Variants in ZC2HC1A observed in about 807,000 individuals in gnomAD.
The protein encoded by ZC2HC1A is zinc finger C2HC-type containing 1A.
ZC2HC1A carries 28 observed loss-of-function variants against 40.7 expected under a neutral mutation model. The ratio of observed to expected loss-of-function variants is 0.69; its 90% CI spans 0.51 to 0.94. The LOEUF (loss-of-function observed/expected upper bound fraction) is 0.94, where lower values mean the gene tolerates loss of function less well. Among genes scored for constraint, ZC2HC1A ranks in the 40% least tolerant of loss-of-function variants. The pLI, the probability that ZC2HC1A is intolerant of heterozygous loss-of-function variation, is 0.00. For missense variants in ZC2HC1A, 389 were observed against 386.3 expected (o/e 1.01, Z -0.06); for synonymous variants, 129 against 129.2 (o/e 1.00, Z 0.01).
chr8:78,698,606 C>G, intron 7 of ZC2HC1A, 93 bp downstream of exon 7: 1 of 946,404 alleles, frequency 1.1e-6, no homozygotes, highest in Non-Finnish European at 1.5e-6. Context: ...CATTCATCTT[C>G]ATTTCCTAAG....
At chr8:78,698,301 C>T (rs887854325) in intron 6 of ZC2HC1A, 113 bp from the exon 7 acceptor site, 2 of 841,676 alleles carry the variant, frequency 2.4e-6, no homozygotes, top group Non-Finnish European at 3.5e-6. Flanking sequence ...TCAATGAAAA[C>T]TTGATTTATA....
chr8:78,716,223 C>T (rs1274596776), intron 8 of ZC2HC1A, among the ~76,000 whole-genome samples: 3 of 151,176 alleles, frequency 2.0e-5, no homozygotes, highest in Non-Finnish European at 4.4e-5. Context: ...CCCAGGTTCA[C>T]GCCATTCTCC....
At chr8:78,710,050 T>C (rs1354597780) in intron 7 of ZC2HC1A, among the ~76,000 whole-genome samples, 2 of 152,182 alleles carry the variant, frequency 1.3e-5, no homozygotes, top group Middle Eastern at 3.2e-3. Flanking sequence ...ACTTTTCCTA[T>C]GTTAAAGTTT....
At chr8:78,681,578 C>T (rs573515535) in intron 3 of ZC2HC1A, among the ~76,000 whole-genome samples, 16 of 152,104 alleles carry the variant, frequency 1.1e-4, no homozygotes, top group African/African-American at 3.6e-4. Context: ...AAAGTTGTTT[C>T]GTTGTTTTCT....
At chr8:78,712,099 A>G (rs952536954) in intron 7 of ZC2HC1A, 57 of 1,283,442 alleles carry the variant, frequency 4.4e-5, no homozygotes, top group Non-Finnish European at 5.4e-5. Flanking sequence ...GTTATTACCT[A>G]TTTACAAGTA....
intron 3 of ZC2HC1A, among the ~76,000 whole-genome samples, chr8:78,680,548 G>C (rs1034214708): frequency 3.3e-5 from 5 of 152,154 alleles, no homozygotes; most frequent in African/African-American, 1.2e-4. Context: ...TGTAAGTGTA[G>C]TTCTTAATAT....
chr8:78,673,268 G>A (rs965099329), intron 1 of ZC2HC1A, among the ~76,000 whole-genome samples: 1 of 152,150 alleles, frequency 6.6e-6, no homozygotes, highest in African/African-American at 2.4e-5. Flanking sequence ...TGGCTGCATA[G>A]TATTCCATGG....
At chr8:78,689,726 G>A (rs1437409108) in intron 5 of ZC2HC1A, among the ~76,000 whole-genome samples, 3 of 152,008 alleles carry the variant, frequency 2.0e-5, no homozygotes, top group East Asian at 1.9e-4. Context: ...TTTCTCAGAT[G>A]TATATTAAGA....
chr8:78,699,649 G>C lies in ZC2HC1A; in HGVS notation c.704+1136G>C, dbSNP rs143868247. 2.0e-5 allele frequency among the ~76,000 whole-genome samples: 3 copies of C among 152,052 alleles called. No homozygotes were observed. The East Asian group carries it at 5.8e-4, about 29-fold the overall frequency. On this transcript the variant is annotated intron_variant, in intron 7 of 8. Transcript: ENST00000263849. ...TCCACCCTCCAAAAGACTCCAGTAC[G>C]TGTTGTTCCCCTCTATGTGTCCATG...
intron 1 of ZC2HC1A, 22 bp from the exon 2 acceptor site, chr8:78,675,765 A>G (rs374601956): frequency 1.3e-6 from 2 of 1,570,968 alleles, no homozygotes; most frequent in African/African-American, 1.4e-5. Context: ...TAAATTATTT[A>G]TTAAATTCCT....
intron 5 of ZC2HC1A, among the ~76,000 whole-genome samples, chr8:78,692,924 T>C (rs984699533): frequency 2.0e-5 from 3 of 152,072 alleles, no homozygotes; most frequent in African/African-American, 7.2e-5. Flanking sequence ...ATGTTCCCTT[T>C]CCTGTGTCCA....
chr8:78,685,431 G>A (rs1320592842), intron 3 of ZC2HC1A, among the ~76,000 whole-genome samples: 2 of 152,066 alleles, frequency 1.3e-5, no homozygotes, highest in African/African-American at 4.8e-5. Flanking sequence ...AGATCCAGAG[G>A]CCATAAAAGA....
intron 1 of ZC2HC1A, among the ~76,000 whole-genome samples, chr8:78,674,944 C>T (rs938410111): frequency 6.6e-6 from 1 of 151,948 alleles, no homozygotes; most frequent in Admixed American, 6.6e-5. Flanking sequence ...GAACATGTTA[C>T]ATGTTTAAGT....
intron 1 of ZC2HC1A, among the ~76,000 whole-genome samples, chr8:78,672,202 A>G (rs946950330): frequency 6.6e-6 from 1 of 152,110 alleles, no homozygotes; most frequent in African/African-American, 2.4e-5. Context: ...TGATCTGGGT[A>G]GAAGATTCTA....
At chr8:78,670,054 G>A (rs972404456) in intron 1 of ZC2HC1A, among the ~76,000 whole-genome samples, 5 of 146,466 alleles carry the variant, frequency 3.4e-5, no homozygotes, top group East Asian at 4.1e-4. Context: ...CACAACCTCC[G>A]CCTTCTGGGT....
In ZC2HC1A at chr8:78,717,653, T is replaced by A; in HGVS notation, c.*160T>A. 3.0e-6 allele frequency: 2 copies of A among 677,624 alleles called. No individual in the cohort carries two copies. The highest frequency in any genetic ancestry group is 4.7e-6 in the Non-Finnish European group (2 of 421,874). The allele number at this position is 677,624 out of a possible 1,614,324, so 42.0% of individuals were successfully genotyped here. On this transcript the variant is annotated 3_prime_UTR_variant, in exon 9 of 9. Coordinates refer to ENST00000263849, the MANE Select transcript of ZC2HC1A (RefSeq NM_016010.3). ...ATCTTTTGGCTATATAATGTGTGTA[T>A]GTTTATATGTGTACATATACTGTAT... is the stretch of plus-strand genomic sequence containing the variant.
intron 7 of ZC2HC1A, among the ~76,000 whole-genome samples, chr8:78,705,682 AG>A (rs1473977345): frequency 1.3e-5 from 2 of 152,174 alleles, no homozygotes; most frequent in Non-Finnish European, 2.9e-5. Context: ...GAAACTGCTA[AG>A]TTGCCCAAAC....
At chr8:78,696,871 C>A (rs1563632030) in intron 5 of ZC2HC1A, among the ~76,000 whole-genome samples, 1 of 152,120 alleles carries the variant, frequency 6.6e-6, no homozygotes, top group Non-Finnish European at 1.5e-5. Context: ...AAATCTTGAC[C>A]TTTAAAGCTG....
intron 1 of ZC2HC1A, among the ~76,000 whole-genome samples, chr8:78,672,761 C>T (rs759888575): frequency 6.6e-6 from 1 of 152,006 alleles, no homozygotes; most frequent in Non-Finnish European, 1.5e-5. Context: ...AACTCTTAAG[C>T]CCATTTTAAT....
Sources: allele counts gnomAD v4.1 joint callset (sites outside exome capture counted in the v4.1 genomes callset), GRCh38; gene constraint gnomAD v4.1.1; transcripts MANE v1.5; gene names NCBI Gene and HGNC (gene_info 2026-07-23, HGNC 2026-07-21).